PPP1R9A: variants seen among roughly 807,000 people sequenced by gnomAD.
PPP1R9A encodes the protein protein phosphatase 1 regulatory subunit 9A.
A neutral mutation model predicts 141.9 loss-of-function variants in PPP1R9A; 59 were observed. That is an observed-to-expected ratio of 0.42 (90% confidence interval 0.34 to 0.52). The LOEUF (loss-of-function observed/expected upper bound fraction) is 0.52, where lower values mean the gene tolerates loss of function less well. Among genes scored for constraint, PPP1R9A ranks in the 20% least tolerant of loss-of-function variants. PPP1R9A has a pLI of 0.10. For missense variants in PPP1R9A, 1,444 were observed against 1,611.9 expected (o/e 0.90, Z 1.78); for synonymous variants, 500 against 569.7 (o/e 0.88, Z 1.74).
chr7:95,084,919 C>G (rs979888026), intron 2 of PPP1R9A, among the ~76,000 whole-genome samples: 1 of 151,904 alleles, frequency 6.6e-6, no homozygotes, highest in Non-Finnish European at 1.5e-5. Context: ...GCAAGTGTTT[C>G]TCTGTGTTGT....
At chr7:95,103,945 T>C (rs1819163514) in intron 2 of PPP1R9A, among the ~76,000 whole-genome samples, 1 of 152,188 alleles carries the variant, frequency 6.6e-6, no homozygotes, top group Non-Finnish European at 1.5e-5. Context: ...AACTTTGTTT[T>C]AGGACCCTTT....
At chr7:95,190,028 T>A (rs2152828015) in intron 5 of PPP1R9A, among the ~76,000 whole-genome samples, 1 of 152,330 alleles carries the variant, frequency 6.6e-6, no homozygotes, top group East Asian at 1.9e-4. Context: ...GTAATCAACC[T>A]TCTGAATTCT....
intron 12 of PPP1R9A, among the ~76,000 whole-genome samples, chr7:95,259,742 A>G (rs904431965): frequency 7.2e-5 from 11 of 152,198 alleles, no homozygotes; most frequent in Non-Finnish European, 2.9e-5. Context: ...TATTAGATGG[A>G]AAGTCATTAA....
chr7:95,015,217 A>AATAT (rs139234228), intron 2 of PPP1R9A, among the ~76,000 whole-genome samples: 2,100 of 149,598 alleles, frequency 0.014, 36 homozygotes, highest in African/African-American at 0.048. Context: ...TACACACACG[A>AATAT]ATATATATAT....
intron 4 of PPP1R9A, among the ~76,000 whole-genome samples, chr7:95,141,027 G>T (rs966609313): frequency 3.9e-5 from 6 of 152,122 alleles, no homozygotes; most frequent in African/African-American, 1.4e-4. Flanking sequence ...GCCTTAATTA[G>T]TTTTAATGAA....
chr7:95,251,023 A>G (rs772387503), intron 10 of PPP1R9A, among the ~76,000 whole-genome samples: 1 of 152,138 alleles, frequency 6.6e-6, no homozygotes, highest in Admixed American at 6.5e-5. Context: ...GCATATATGT[A>G]AGATTAACCA....
chr7:94,923,937 A>G (rs1793144948), intron 2 of PPP1R9A, among the ~76,000 whole-genome samples: 1 of 152,224 alleles, frequency 6.6e-6, no homozygotes. Flanking sequence ...GCCTTACAAT[A>G]TAATCTGGTG....
At chr7:95,010,287 C>A (rs561478779) in intron 2 of PPP1R9A, among the ~76,000 whole-genome samples, 140 of 152,192 alleles carry the variant, frequency 9.2e-4, no homozygotes, top group African/African-American at 3.2e-3. Flanking sequence ...ACCTGTAGTC[C>A]TAGCTGCTCT....
At chr7:95,168,839 C>T (rs1360091384) in intron 5 of PPP1R9A, among the ~76,000 whole-genome samples, 1 of 151,826 alleles carries the variant, frequency 6.6e-6, no homozygotes, top group Non-Finnish European at 1.5e-5. Flanking sequence ...CTAAGATATC[C>T]GCTTACCCCA....
chr7:94,962,901 C>T (rs1250886297), intron 2 of PPP1R9A, among the ~76,000 whole-genome samples: 1 of 152,050 alleles, frequency 6.6e-6, no homozygotes, highest in Non-Finnish European at 1.5e-5. Flanking sequence ...AGACTTGCCA[C>T]AGAATAACAG....
intron 2 of PPP1R9A, among the ~76,000 whole-genome samples, chr7:95,078,696 A>T (rs1206076290): frequency 2.0e-5 from 3 of 151,890 alleles, no homozygotes; most frequent in Non-Finnish European, 4.4e-5. Context: ...ATGCTATCTC[A>T]TTGTGGTTTT....
intron 5 of PPP1R9A, among the ~76,000 whole-genome samples, chr7:95,184,942 G>T (rs1396105810): frequency 6.6e-6 from 1 of 151,596 alleles, no homozygotes; most frequent in African/African-American, 2.4e-5. Flanking sequence ...GTGTGTGGGT[G>T]TCTTTTTCAT....
intron 7 of PPP1R9A, among the ~76,000 whole-genome samples, chr7:95,211,324 C>A (rs1792079420): frequency 6.6e-6 from 1 of 152,260 alleles, no homozygotes; most frequent in African/African-American, 2.4e-5. Flanking sequence ...TTCCAGAAAG[C>A]TGCCAACCTG....
Position 95,290,126 on chromosome 7 carries a change from G to C in PPP1R9A, c.3948G>C (p.Val1316=). 2 of 1,613,870 alleles carry C rather than the reference G, an allele frequency of 1.2e-6. No individual in the cohort carries two copies. Among genetic ancestry groups the C allele is most frequent in the Non-Finnish European group, 1.7e-6 (2 of 1,179,956 alleles). ...TGACAGCATCCCAGGACCGAGCAGT[G>C]GTCAAAAAGAAACTCAAGGAAATGA... The part of the protein sequence containing the change: ...LGMTASQDRA[V]VKKKLKEMKM... Residue 1316 remains valine, a synonymous_variant, in exon 20 of 20, where the codon GTG becomes GTC. Coordinates refer to ENST00000433360, the MANE Select transcript of PPP1R9A (RefSeq NM_001166160.2).
At chr7:94,951,764 T>C (rs1282950370) in intron 2 of PPP1R9A, among the ~76,000 whole-genome samples, 1 of 152,072 alleles carries the variant, frequency 6.6e-6, no homozygotes, top group Non-Finnish European at 1.5e-5. Flanking sequence ...TCTTAGGTTT[T>C]CTGAAGCAGT....
At chr7:94,948,791 T>A (rs10265993) in intron 2 of PPP1R9A, among the ~76,000 whole-genome samples, 68,945 of 151,878 alleles carry the variant, frequency 0.45, 16,418 homozygotes, top group East Asian at 0.81. Context: ...GACTCCATGG[T>A]CTTTCAGAAC....
chr7:94,996,183 T>C (rs1227063977), intron 2 of PPP1R9A, among the ~76,000 whole-genome samples: 1 of 152,136 alleles, frequency 6.6e-6, no homozygotes, highest in Non-Finnish European at 1.5e-5. Flanking sequence ...ATGTGATGAA[T>C]TGTAGACCTA....
chr7:94,911,450 CAGA>C lies in PPP1R9A; in HGVS notation c.1348_1350del (p.Glu450del), dbSNP rs1322625565. ...GAGTACTCGGAAATTGTTGGATTGCCAGAAGAAGAAGAAATCCCAGCAAATAGG... is the reference window on the plus strand; with the variant it reads ...GAGTACTCGGAAATTGTTGGATTGCCAGAAGAAGAAATCCCAGCAAATAGG... On this transcript the variant is annotated inframe_deletion, in exon 2 of 20. Coordinates refer to ENST00000433360, the MANE Select transcript of PPP1R9A (RefSeq NM_001166160.2). 7 of 1,613,450 alleles carry C rather than the reference CAGA, an allele frequency of 4.3e-6. No homozygotes were observed. Among genetic ancestry groups the C allele is most frequent in the Middle Eastern group, 1.6e-4 (1 of 6,062 alleles).
intron 16 of PPP1R9A, among the ~76,000 whole-genome samples, chr7:95,278,179 G>C (rs952233602): frequency 6.6e-6 from 1 of 152,122 alleles, no homozygotes; most frequent in African/African-American, 2.4e-5. Flanking sequence ...AAAATAAGTG[G>C]ATTGGGCTGA....
Sources: gnomAD v4.1 joint callset for allele counts (sites outside exome capture counted in the v4.1 genomes callset) on GRCh38, gnomAD v4.1.1 for gene constraint, MANE v1.5 for transcripts, NCBI Gene and HGNC (gene_info 2026-07-23, HGNC 2026-07-21) for gene names.